Variants in PLCH2 observed in about 807,000 individuals in gnomAD.
The protein encoded by PLCH2 is 1-phosphatidylinositol 4,5-bisphosphate phosphodiesterase eta-2.
A neutral mutation model predicts 134.7 loss-of-function variants in PLCH2; 98 were observed. That is an observed-to-expected ratio of 0.73 (90% CI 0.62 to 0.86). PLCH2 has a LOEUF of 0.86. Ranked by LOEUF, PLCH2 falls within the 40% of genes least tolerant of loss-of-function variation. PLCH2 has a pLI of 0.00. For missense variants in PLCH2, 1,994 were observed against 1,986.6 expected (o/e 1.00, Z -0.07); for synonymous variants, 974 against 827.5 (o/e 1.18, Z -3.04).
upstream of PLCH2, among the ~76,000 whole-genome samples, chr1:2,465,667 T>C (rs1641024943): frequency 6.6e-6 from 1 of 152,160 alleles, no homozygotes; most frequent in Non-Finnish European, 1.5e-5. Flanking sequence ...ATTTAGGAGA[T>C]CAGAATCTTA....
intron 2 of PLCH2, among the ~76,000 whole-genome samples, chr1:2,452,889 G>A (rs1278537407): frequency 1.3e-5 from 2 of 152,226 alleles, no homozygotes; most frequent in African/African-American, 4.8e-5. Context: ...GCCTAGAGGA[G>A]GACAGCCTGG....
At chr1:2,486,816 C>T (rs953119267) in intron 5 of PLCH2, 91 bp from the exon 6 acceptor site, 5 of 953,264 alleles carry the variant, frequency 5.2e-6, no homozygotes, top group African/African-American at 4.9e-5. Context: ...TAATCAGAGA[C>T]AGGCAGGGGA....
intron 4 of PLCH2, among the ~76,000 whole-genome samples, chr1:2,483,765 G>T (rs751548613): frequency 6.2e-5 from 1 of 16,256 alleles, no homozygotes; most frequent in Non-Finnish European, 1.5e-4. Context: ...ACCCCCGTTT[G>T]GGGGGGCGCT....
chr1:2,419,515 C>T, the PLCH2 span, among the ~76,000 whole-genome samples: 1 of 152,074 alleles, frequency 6.6e-6, no homozygotes, highest in Non-Finnish European at 1.5e-5. Flanking sequence ...TTGACAGAGG[C>T]GCCTCCCATG....
intron 10 of PLCH2, among the ~76,000 whole-genome samples, chr1:2,490,810 G>T (rs532661706): frequency 6.6e-6 from 1 of 152,240 alleles, no homozygotes; most frequent in Non-Finnish European, 1.5e-5. Flanking sequence ...CACCCGGGGG[G>T]CTGCACTGGC....
intron 8 of PLCH2, 68 bp from the exon 9 acceptor site, chr1:2,489,138 GC>G: frequency 7.3e-7 from 1 of 1,373,594 alleles, no homozygotes; most frequent in Non-Finnish European, 1.0e-6. Flanking sequence ...CTGGGATCTT[GC>G]AGAGGTGGGG....
At chr1:2,497,752 G>T (rs1642977379) in intron 16 of PLCH2, 143 bp downstream of exon 16, 1 of 583,714 alleles carries the variant, frequency 1.7e-6, no homozygotes, top group East Asian at 2.8e-5. Flanking sequence ...GTCAGGTTGG[G>T]ACGAAGCTCC....
chr1:2,459,015 C>G (rs1277440169), intron 2 of PLCH2, among the ~76,000 whole-genome samples: 1 of 152,252 alleles, frequency 6.6e-6, no homozygotes, highest in Middle Eastern at 3.4e-3. Flanking sequence ...TGAGTCACTG[C>G]CTCGTAGTGA....
At chr1:2,424,822 C>G (rs1638696709), upstream of PLCH2, among the ~76,000 whole-genome samples, 2 of 152,204 alleles carry the variant, frequency 1.3e-5, no homozygotes, top group Non-Finnish European at 2.9e-5. Flanking sequence ...CCTGTCTCTA[C>G]TAAAAATAAA....
intron 1 of PLCH2, among the ~76,000 whole-genome samples, chr1:2,429,270 C>G (rs932223733): frequency 6.6e-6 from 1 of 152,274 alleles, no homozygotes; most frequent in East Asian, 1.9e-4. Flanking sequence ...CAGAGCATGG[C>G]TCTGTGTGTT....
rs1222164476 is a variant in PLCH2, at chr1:2,503,927, C to T, written c.2965C>T (p.Arg989Cys). 23 of 1,025,082 alleles carry T rather than the reference C, an allele frequency of 2.2e-5. No individual in the cohort carries two copies. The highest frequency in any genetic ancestry group is 8.9e-5 in the Admixed American group (4 of 45,134). The allele number at this position is 1,025,082 out of a possible 1,614,324, so 63.5% of individuals were successfully genotyped here. ...ACTCCCCCACCTCCCCACAGACACC[C>T]GCCCCCTCTCCACGCAGCGGCCACT... ...GPGSGSPRDTRPLSTQRPLPP... is the reference protein window; with the variant it reads ...GPGSGSPRDTCPLSTQRPLPP... Residue 989 changes from arginine (R) to cysteine (C), a missense_variant, in exon 22 of 22, where the codon CGC (arginine) becomes TGC (cysteine). Coordinates refer to ENST00000378486, the MANE Select transcript of PLCH2 (RefSeq NM_014638.4).
In PLCH2 at chr1:2,504,319, C is replaced by G. The variant is rs772013339; in HGVS notation, c.3357C>G (p.Ala1119=). 1 of 1,608,388 alleles carries G rather than the reference C, an allele frequency of 6.2e-7. No homozygotes were observed. Among genetic ancestry groups the G allele is most frequent in the African/African-American group, 1.3e-5 (1 of 74,988 alleles). ...RPLAAPFPAP[A]VYSDATGSDP... is the part of the protein sequence containing the mutation. ...TGGCCGCTCCCTTTCCAGCTCCTGC[C>G]GTGTACTCCGATGCCACGGGCAGTG... The change falls in exon 22 of 22, where the codon GCC becomes GCG. Residue 1119 remains alanine, a synonymous_variant. Coordinates refer to ENST00000378486, the MANE Select transcript of PLCH2 (RefSeq NM_014638.4).
chr1:2,436,946 G>A (rs1639451060), intron 2 of PLCH2, among the ~76,000 whole-genome samples: 1 of 152,180 alleles, frequency 6.6e-6, no homozygotes. Flanking sequence ...GGGAGCTCTG[G>A]GGCCAGGGTG....
In PLCH2 at chr1:2,502,271, C is replaced by T. The variant is rs995559687; in HGVS notation, c.2821C>T (p.Arg941Cys). Reference sequence around the variant, plus strand: ...CCCGACCAAGAGCCAGAAGCCGGGCCGCAGGGGCTTCCCGGAGCTGGTCCT... The same window carrying T: ...CCCGACCAAGAGCCAGAAGCCGGGCTGCAGGGGCTTCCCGGAGCTGGTCCT... Reference protein sequence around the residue: ...SAPTKSQKPGRRGFPELVLGT... With the variant: ...SAPTKSQKPGCRGFPELVLGT... Residue 941 changes from arginine to cysteine, a missense_variant, in exon 21 of 22, where the codon CGC becomes TGC. Physicochemically the swap from Arg to Cys is radical, Grantham distance 180 (BLOSUM62 -3). This residue lies in a region of PLCH2 where 900 missense variants were observed against 752.3 expected (regional missense o/e 1.20). Coordinates refer to ENST00000378486, the MANE Select transcript of PLCH2 (RefSeq NM_014638.4). 41 of 1,540,016 alleles carry T rather than the reference C, an allele frequency of 2.7e-5. No homozygotes were observed. Among genetic ancestry groups the T allele is most frequent in the African/African-American group, 2.2e-4 (16 of 72,500 alleles).
At chr1:2,495,388 T>C (rs1333350337) in intron 12 of PLCH2, 100 bp from the exon 13 acceptor site, 2 of 996,934 alleles carry the variant, frequency 2.0e-6, no homozygotes, top group East Asian at 2.7e-5. Flanking sequence ...CGTGGGCCGC[T>C]GGGGACCCCG....
upstream of PLCH2, among the ~76,000 whole-genome samples, chr1:2,471,647 C>G (rs1307318784): frequency 1.3e-5 from 2 of 152,206 alleles, no homozygotes; most frequent in African/African-American, 4.8e-5. Context: ...GGCTGCTGTC[C>G]TCCCCCTGCT....
upstream of PLCH2, among the ~76,000 whole-genome samples, chr1:2,425,689 TG>T (rs1638759880): frequency 6.9e-6 from 1 of 144,828 alleles, no homozygotes; most frequent in African/African-American, 2.5e-5. Context: ...AATTTTGGTG[TG>T]TTTTTTTTTT....
intron 1 of PLCH2, 133 bp downstream of exon 1, chr1:2,476,845 G>A (rs534154426): frequency 5.6e-5 from 52 of 935,396 alleles, no homozygotes; most frequent in Non-Finnish European, 7.2e-5. Flanking sequence ...CCTGTCCCCC[G>A]GGTGCTCTAG....
intron 2 of PLCH2, among the ~76,000 whole-genome samples, chr1:2,432,575 C>T (rs1416755072): frequency 6.6e-6 from 1 of 152,214 alleles, no homozygotes; most frequent in African/African-American, 2.4e-5. Flanking sequence ...GCCCATGGCA[C>T]AGGCTGGGGT....
Sources: gnomAD v4.1 joint callset for allele counts (sites outside exome capture counted in the v4.1 genomes callset) on GRCh38, gnomAD v4.1.1 for gene constraint, gnomAD v4.1.1 regional missense constraint, MANE v1.5 for transcripts, NCBI Gene and HGNC (gene_info 2026-07-23, HGNC 2026-07-21) for gene names.